Variants in YLPM1 observed in about 807,000 individuals in gnomAD.
The protein encoded by YLPM1 is YLP motif-containing protein 1.
A neutral mutation model predicts 230.0 loss-of-function variants in YLPM1; 99 were observed. That is an observed-to-expected ratio of 0.43 (90% CI 0.37 to 0.51). The LOEUF (loss-of-function observed/expected upper bound fraction) is 0.51. Ranked by LOEUF, YLPM1 falls within the 20% of genes least tolerant of loss-of-function variation. The pLI is 0.00. For synonymous variants in YLPM1, 984 were observed against 942.5 expected (o/e 1.04, Z -0.81); for missense variants, 2,592 against 2,707.7 (o/e 0.96, Z 0.95).
chr14:74,813,257 G>C (rs569233762), intron 11 of YLPM1, among the ~76,000 whole-genome samples: 7 of 152,322 alleles, frequency 4.6e-5, no homozygotes, highest in African/African-American at 1.7e-4. Flanking sequence ...AGAATTAATA[G>C]ATTGTTGTTT....
intron 3 of YLPM1, 131 bp from the exon 4 acceptor site, chr14:74,781,203 C>A: frequency 9.7e-7 from 1 of 1,030,286 alleles, no homozygotes; most frequent in Non-Finnish European, 1.4e-6. Context: ...CGAACTTATT[C>A]TTAGCCTCCC....
rs536759683 is a variant in YLPM1, at chr14:74,798,608, G to A, written c.3311G>A (p.Gly1104Asp). The change falls in exon 5 of 21, where the codon GGT (glycine) becomes GAT (aspartate). Residue 1104 changes from glycine (G) to aspartate (D), a missense_variant. Physicochemically the swap from Gly to Asp is moderately conservative, Grantham distance 94. Transcript: ENST00000325680. Reference sequence around the variant, plus strand: ...GGTCTTCAAGGGAGCCAGGACAGGGGTGCAGCTGGCAGCCGAGAAAGGGGA... The same window carrying A: ...GGTCTTCAAGGGAGCCAGGACAGGGATGCAGCTGGCAGCCGAGAAAGGGGA... ...PGGLQGSQDR[G>D]AAGSRERGPP... 1.9e-6 allele frequency: 3 copies of A among 1,612,670 alleles called. No homozygotes were observed. In the South Asian group the frequency reaches 3.3e-5, roughly 18 times the overall value.
intron 3 of YLPM1, 76 bp from the exon 4 acceptor site, chr14:74,781,258 A>G: frequency 3.5e-6 from 5 of 1,423,786 alleles, no homozygotes; most frequent in Non-Finnish European, 4.6e-6. Context: ...AATGCCCTTG[A>G]TTCATTAATA....
intron 18 of YLPM1, chr14:74,827,839 G>A (rs2091577650): frequency 6.1e-6 from 6 of 985,198 alleles, no homozygotes; most frequent in Non-Finnish European, 7.2e-6. Context: ...ACTTCTTTAA[G>A]ATCATGTATA....
intron 11 of YLPM1, among the ~76,000 whole-genome samples, chr14:74,814,155 A>G (rs1010910149): frequency 6.6e-6 from 1 of 152,118 alleles, no homozygotes; most frequent in Non-Finnish European, 1.5e-5. Context: ...AGGTCAGGAG[A>G]TTGAGACCAT....
intron 9 of YLPM1, 121 bp downstream of exon 9, chr14:74,810,541 G>T: frequency 9.4e-7 from 1 of 1,060,584 alleles, no homozygotes; most frequent in Non-Finnish European, 1.3e-6. Flanking sequence ...AATTTGGAGG[G>T]GGAAGAACAA....
At chr14:74,784,500 G>A (rs1253886865) in intron 4 of YLPM1, among the ~76,000 whole-genome samples, 1 of 152,134 alleles carries the variant, frequency 6.6e-6, no homozygotes, top group Non-Finnish European at 1.5e-5. Context: ...ATATAACACA[G>A]CTAGTAAATG....
intron 19 of YLPM1, among the ~76,000 whole-genome samples, chr14:74,834,395 T>G (rs1299369198): frequency 6.6e-6 from 1 of 152,212 alleles, no homozygotes; most frequent in African/African-American, 2.4e-5. Flanking sequence ...TCTCTAAGAT[T>G]AAATTTCAAG....
intron 4 of YLPM1, among the ~76,000 whole-genome samples, chr14:74,791,934 C>G (rs2091211164): frequency 6.6e-6 from 1 of 152,132 alleles, no homozygotes; most frequent in Non-Finnish European, 1.5e-5. Context: ...TTAATAAGGT[C>G]TCTCATGGAC....
chr14:74,816,433 C>CA, intron 12 of YLPM1, 138 bp from the exon 13 acceptor site: 1 of 1,279,432 alleles, frequency 7.8e-7, no homozygotes, highest in Non-Finnish European at 1.1e-6. Context: ...TTTATCTACT[C>CA]AGAGAAACAT....
Position 74,763,539 on chromosome 14 carries a change from C to T in YLPM1, c.50C>T (p.Pro17Leu), listed in dbSNP as rs771213368. 1 of 1,524,282 alleles carries T rather than the reference C, an allele frequency of 6.6e-7. No individual in the cohort carries two copies. Among genetic ancestry groups the T allele is most frequent in the Non-Finnish European group, 8.8e-7 (1 of 1,133,836 alleles). The allele number at this position is 1,524,282 out of a possible 1,614,324, so 94.4% of individuals were successfully genotyped here. Residue 17 changes from proline to leucine, a missense_variant, in exon 1 of 21, where the codon CCA (proline) becomes CTA (leucine). Around this residue, in one of 4 missense-constraint regions of YLPM1, gnomAD observed 1,862 missense variants for 1,819.8 expected, o/e 1.02. Coordinates refer to ENST00000325680, the MANE Select transcript of YLPM1 (RefSeq NM_019589.3). ...GGCGGGAGCAGCCACTATCCGCCGCCACCGGTCCCACCGCCGCCGCCAGTG... is the reference window on the plus strand; with the variant it reads ...GGCGGGAGCAGCCACTATCCGCCGCTACCGGTCCCACCGCCGCCGCCAGTG... ...RYGGSSHYPP[P>L]PVPPPPPVAL...
At chr14:74,818,124 A>G in intron 15 of YLPM1, 107 bp from the exon 16 acceptor site, 2 of 477,074 alleles carry the variant, frequency 4.2e-6, no homozygotes, top group South Asian at 6.0e-5. Flanking sequence ...TATTTAATTA[A>G]TATTTAACAA....
intron 19 of YLPM1, among the ~76,000 whole-genome samples, chr14:74,832,334 C>G (rs1466991199): frequency 6.6e-6 from 1 of 152,142 alleles, no homozygotes; most frequent in Non-Finnish European, 1.5e-5. Context: ...AATGAGTCCT[C>G]TTAAGGAGCT....
Position 74,802,757 on chromosome 14 carries a change from G to A in YLPM1, c.4521+81G>A. ...TGTTGTTTGATTTTTTTTAGAAGTTGAATAAATAACAAATTTCCTCTATAA... is the reference window on the plus strand; with the variant it reads ...TGTTGTTTGATTTTTTTTAGAAGTTAAATAAATAACAAATTTCCTCTATAA... On this transcript the variant is annotated intron_variant, in intron 6 of 20. Transcript: ENST00000325680. 8.4e-6 allele frequency: 12 copies of A among 1,425,968 alleles called. No homozygotes were observed. The South Asian group carries it at 1.9e-4, about 23-fold the overall frequency. The allele number at this position is 1,425,968 out of a possible 1,614,324, so 88.3% of individuals were successfully genotyped here.
intron 4 of YLPM1, among the ~76,000 whole-genome samples, chr14:74,793,558 TTC>T (rs2091228816): frequency 6.6e-6 from 1 of 152,346 alleles, no homozygotes; most frequent in South Asian, 2.1e-4. Flanking sequence ...GCTTTTTGCA[TTC>T]TGTTTTCTCC....
At chr14:74,789,714 ACCT>A (rs1400951265) in intron 4 of YLPM1, among the ~76,000 whole-genome samples, 1 of 146,066 alleles carries the variant, frequency 6.8e-6, no homozygotes, top group Non-Finnish European at 1.5e-5. Flanking sequence ...TACAACTTTG[ACCT>A]CCTGGGCTCA....
chr14:74,806,614 A>C (rs2091380948), intron 6 of YLPM1, among the ~76,000 whole-genome samples: 1 of 152,172 alleles, frequency 6.6e-6, no homozygotes, highest in African/African-American at 2.4e-5. Context: ...AAATGAAAAA[A>C]AATAATTGTA....
chr14:74,780,596 C>T lies in YLPM1; in HGVS notation c.1290+12C>T, dbSNP rs2091083144. The T allele has an allele frequency of 1.3e-6, 2 of 1,595,022 alleles. No individual in the cohort carries two copies. The highest frequency in any genetic ancestry group is 8.6e-7 in the Non-Finnish European group (1 of 1,167,552). On this transcript the variant is annotated intron_variant, in intron 3 of 20. Coordinates refer to ENST00000325680, the MANE Select transcript of YLPM1 (RefSeq NM_019589.3). ...CACCACATATACAGGCAAGTGCTTC[C>T]ATAGTCCACAATAGGAAGTTGCCCC...
At chr14:74,835,641 C>G in intron 20 of YLPM1, 134 bp from the exon 21 acceptor site, 2 of 517,814 alleles carry the variant, frequency 3.9e-6, no homozygotes, top group South Asian at 4.4e-5. Flanking sequence ...AGCTGGCTCA[C>G]TTATAAAAAT....
Sources: gnomAD v4.1 joint callset for allele counts (sites outside exome capture counted in the v4.1 genomes callset) on GRCh38, gnomAD v4.1.1 for gene constraint, gnomAD v4.1.1 regional missense constraint, MANE v1.5 for transcripts, NCBI Gene and HGNC (gene_info 2026-07-23, HGNC 2026-07-21) for gene names.